INSYN2B: variants seen among roughly 807,000 people sequenced by gnomAD.
The protein encoded by INSYN2B is protein INSYN2B.
In INSYN2B, 16 loss-of-function variants were observed where a neutral mutation model predicts 41.2. The observed-to-expected ratio is 0.39, with a 90% CI of 0.26 to 0.59. The LOEUF is 0.59. Among genes scored for constraint, INSYN2B ranks in the 20% least tolerant of loss-of-function variants. The pLI is 0.57. For synonymous variants in INSYN2B, 245 were observed against 244.4 expected, an observed-to-expected ratio of 1.00 and a Z score of -0.02; for missense variants, 608 against 646.4, an observed-to-expected ratio of 0.94 and a Z score of 0.64.
intron 1 of INSYN2B, among the ~76,000 whole-genome samples, chr5:169,900,434 C>T (rs1389782850): frequency 3.9e-5 from 6 of 152,194 alleles, no homozygotes; most frequent in South Asian, 4.2e-4. Context: ...CGTGGCTGGG[C>T]GAGATAGTGG....
chr5:169,873,890 C>G (rs755229967), intron 3 of INSYN2B, among the ~76,000 whole-genome samples: 10 of 152,266 alleles, frequency 6.6e-5, no homozygotes, highest in Non-Finnish European at 8.8e-5. Context: ...ATGTGAAGCC[C>G]TTGCTTTTCT....
intron 1 of INSYN2B, among the ~76,000 whole-genome samples, chr5:169,961,303 A>T (rs1236027097): frequency 6.6e-6 from 1 of 152,254 alleles, no homozygotes; most frequent in Non-Finnish European, 1.5e-5. Context: ...AATTAAATTA[A>T]GATGAATGGA....
chr5:169,917,598 A>T (rs1338695839), intron 1 of INSYN2B, among the ~76,000 whole-genome samples: 1 of 152,216 alleles, frequency 6.6e-6, no homozygotes, highest in African/African-American at 2.4e-5. Context: ...TGATTTTCTA[A>T]TCGATTGCTT....
intron 1 of INSYN2B, chr5:169,934,933 A>G (rs778977736): frequency 6.1e-6 from 2 of 330,160 alleles, no homozygotes; most frequent in African/African-American, 4.4e-5. Context: ...AGAAAGTAGT[A>G]TAGAAAGTGA....
intron 1 of INSYN2B, among the ~76,000 whole-genome samples, chr5:169,911,990 C>A (rs920934664): frequency 6.6e-6 from 1 of 152,116 alleles, no homozygotes; most frequent in Non-Finnish European, 1.5e-5. Context: ...AGAATGATTG[C>A]ATAAGCCAAG....
intron 3 of INSYN2B, among the ~76,000 whole-genome samples, chr5:169,879,957 T>C (rs1217183507): frequency 6.6e-6 from 1 of 152,214 alleles, no homozygotes; most frequent in Non-Finnish European, 1.5e-5. Flanking sequence ...TAAATGGAGG[T>C]TAGTTCAAAT....
intron 1 of INSYN2B, among the ~76,000 whole-genome samples, chr5:169,920,027 A>G (rs1775084640): frequency 6.6e-6 from 1 of 152,232 alleles, no homozygotes; most frequent in Non-Finnish European, 1.5e-5. Flanking sequence ...CCAGCACTTT[A>G]CGTGAATTAT....
intron 3 of INSYN2B, among the ~76,000 whole-genome samples, chr5:169,867,584 A>G (rs539096974): frequency 6.6e-6 from 1 of 151,910 alleles, no homozygotes; most frequent in East Asian, 1.9e-4. Context: ...TCTATCTGTC[A>G]TCTATCGTTA....
At chr5:169,938,904 T>TC (rs1776108734) in intron 1 of INSYN2B, among the ~76,000 whole-genome samples, 1 of 127,698 alleles carries the variant, frequency 7.8e-6, no homozygotes, top group Non-Finnish European at 1.7e-5. Context: ...TTCTTTTTTT[T>TC]CTTTTCTTTT....
chr5:169,900,293 G>A (rs1255255094), intron 1 of INSYN2B, among the ~76,000 whole-genome samples: 2 of 152,162 alleles, frequency 1.3e-5, no homozygotes, highest in South Asian at 4.1e-4. Flanking sequence ...CTGATGGAGG[G>A]GACATCTGAG....
intron 1 of INSYN2B, among the ~76,000 whole-genome samples, chr5:169,917,933 G>T (rs1191979122): frequency 6.6e-6 from 1 of 152,156 alleles, no homozygotes; most frequent in East Asian, 1.9e-4. Context: ...CAGGGCAGAG[G>T]GACTTACAAA....
At chr5:169,951,118 C>A (rs908184219) in intron 1 of INSYN2B, among the ~76,000 whole-genome samples, 10 of 152,160 alleles carry the variant, frequency 6.6e-5, no homozygotes, top group African/African-American at 2.4e-4. Flanking sequence ...CCCCACCAAC[C>A]CTTTCCCTCC....
intron 1 of INSYN2B, among the ~76,000 whole-genome samples, chr5:169,939,268 G>A (rs1212345573): frequency 6.7e-6 from 1 of 150,300 alleles, no homozygotes; most frequent in African/African-American, 2.5e-5. Context: ...ACACACAGGA[G>A]CCTAGGTCTA....
At position 169,861,689 on chromosome 5, in the gene INSYN2B, G is replaced by A. The variant is rs569840548; in HGVS notation, c.*2584C>T. The stretch of plus-strand genomic sequence containing the variant: ...CATGAATAAGTGAGTATGCAGTTTT[G>A]GTATATGTGTGTGTGGTGTTTTAAA... On this transcript the variant is annotated 3_prime_UTR_variant, in exon 4 of 4. Transcript: ENST00000377365. 2.6e-5 allele frequency among the ~76,000 whole-genome samples: 4 copies of A among 152,144 alleles called. No homozygotes were observed. Among genetic ancestry groups the A allele is most frequent in the African/African-American group, 9.7e-5 (4 of 41,436 alleles).
chr5:169,934,754 C>CAG (rs1491571242), intron 1 of INSYN2B: 1 of 455,408 alleles, frequency 2.2e-6, no homozygotes, highest in Admixed American at 2.4e-5. Context: ...GATCAGTGCT[C>CAG]AGTAAATGCT....
In INSYN2B at chr5:169,862,737, T is replaced by G. The variant is rs10475925; in HGVS notation, c.*1536A>C. Among the ~76,000 whole-genome samples, 373 of 152,352 alleles carry G rather than the reference T, an allele frequency of 2.4e-3. 3 individuals are homozygous for G. Among genetic ancestry groups the G allele is most frequent in the African/African-American group, 8.7e-3 (360 of 41,582 alleles). On this transcript the variant is annotated 3_prime_UTR_variant, in exon 4 of 4. Transcript: ENST00000377365. ...TGCCAAATTTCCCTTTCATTCTCAC[T>G]GAAATAGCTTTGTTCACTGCATCAC...
chr5:169,873,804 A>G (rs943219826), intron 3 of INSYN2B, among the ~76,000 whole-genome samples: 1 of 152,224 alleles, frequency 6.6e-6, no homozygotes, highest in African/African-American at 2.4e-5. Flanking sequence ...GGAAACTCCC[A>G]GAAGCACTCT....
chr5:169,959,174 T>C (rs1306702923), intron 1 of INSYN2B, among the ~76,000 whole-genome samples: 1 of 151,978 alleles, frequency 6.6e-6, no homozygotes, highest in Non-Finnish European at 1.5e-5. Context: ...GGGCGGATCA[T>C]GAGGTCAGGA....
At chr5:169,865,512 C>T (rs1771491494) in intron 3 of INSYN2B, among the ~76,000 whole-genome samples, 1 of 152,228 alleles carries the variant, frequency 6.6e-6, no homozygotes, top group South Asian at 2.1e-4. Context: ...TCCCTGTGGG[C>T]TGAGCACGGG....
Sources: allele counts gnomAD v4.1 joint callset (sites outside exome capture counted in the v4.1 genomes callset), GRCh38; gene constraint gnomAD v4.1.1; transcripts MANE v1.5; gene names NCBI Gene and HGNC (gene_info 2026-07-23, HGNC 2026-07-21).